ZNF282: variants seen among roughly 807,000 people sequenced by gnomAD.
ZNF282 encodes the protein zinc finger protein 282.
Under a neutral mutation model 61.9 loss-of-function variants are expected in ZNF282, and 30 were observed. The observed-to-expected ratio is 0.48, with a 90% confidence interval of 0.36 to 0.66. The LOEUF is 0.66. ZNF282 is among the 30% of genes least tolerant of loss of function. ZNF282 has a pLI of 0.00. For synonymous variants in ZNF282, 396 were observed against 405.0 expected, an observed-to-expected ratio of 0.98 and a Z score of 0.27; for missense variants, 788 against 941.4, an observed-to-expected ratio of 0.84 and a Z score of 2.13.
At chr7:149,221,727 G>C (rs1312906124) in intron 7 of ZNF282, among the ~76,000 whole-genome samples, 1 of 152,118 alleles carries the variant, frequency 6.6e-6, no homozygotes, top group Non-Finnish European at 1.5e-5. Context: ...ATGGTTCTCT[G>C]CCAGGCCAAT....
chr7:149,202,097 A>AT (rs1376180682), intron 2 of ZNF282, among the ~76,000 whole-genome samples: 1 of 150,590 alleles, frequency 6.6e-6, no homozygotes. Flanking sequence ...CCTTACTCGA[A>AT]TTTTCTACAA....
At position 149,199,313 on chromosome 7, in the gene ZNF282, G is replaced by A. The variant is rs1264623172; in HGVS notation, c.585+561G>A. The stretch of plus-strand genomic sequence containing the variant: ...GAGAACGGAGTCACCCAGAAGAGGC[G>A]TCCACATGCAGCCAGCTTGTTCTTC... On this transcript the variant is annotated intron_variant, in intron 2 of 7. Coordinates refer to ENST00000610704, the MANE Select transcript of ZNF282 (RefSeq NM_003575.4). 3.3e-5 allele frequency among the ~76,000 whole-genome samples: 5 copies of A among 152,194 alleles called. No individual in the cohort carries two copies. In the South Asian group the frequency reaches 8.3e-4, roughly 25 times the overall value.
chr7:149,210,437 T>C, intron 4 of ZNF282, 148 bp from the exon 5 acceptor site: 1 of 1,352,636 alleles, frequency 7.4e-7, no homozygotes, highest in Non-Finnish European at 1.0e-6. Context: ...TGGCAAGTGC[T>C]GTCAGCCATG....
intron 7 of ZNF282, among the ~76,000 whole-genome samples, chr7:149,219,442 C>CT (rs978952603): frequency 6.6e-6 from 1 of 152,172 alleles, no homozygotes; most frequent in Non-Finnish European, 1.5e-5. Context: ...AGAAGAGAAT[C>CT]TCTTGGGGAG....
intron 3 of ZNF282, 144 bp downstream of exon 3, chr7:149,206,966 A>G: frequency 8.3e-7 from 1 of 1,199,290 alleles, no homozygotes; most frequent in Non-Finnish European, 1.2e-6. Context: ...TTATAATGCT[A>G]GTAGGATAGA....
rs771553474 is a variant in ZNF282 at position 149,213,692 on chromosome 7, T to C, written c.1067-9T>C. On this transcript the variant is annotated splice_polypyrimidine_tract_variant and intron_variant, in intron 6 of 7. Coordinates refer to ENST00000610704, the MANE Select transcript of ZNF282 (RefSeq NM_003575.4). The stretch of plus-strand genomic sequence containing the variant: ...AAAATCTAAGACTGCCTTCTTTCCA[T>C]GACAACAGAGTCTCTCATCTCAGCA... The C allele has an allele frequency of 1.5e-5, 24 of 1,608,084 alleles. No homozygotes were observed. In the Admixed American group the frequency reaches 3.2e-4, roughly 21 times the overall value.
chr7:149,206,899 C>G, intron 3 of ZNF282, 77 bp downstream of exon 3: 1 of 1,550,160 alleles, frequency 6.5e-7, no homozygotes, highest in Non-Finnish European at 8.7e-7. Context: ...CACGTTAGCA[C>G]CGCCTAGGCA....
At chr7:149,202,463 C>T (rs906532157) in intron 2 of ZNF282, among the ~76,000 whole-genome samples, 2 of 152,126 alleles carry the variant, frequency 1.3e-5, no homozygotes, top group Non-Finnish European at 2.9e-5. Context: ...AGGCACACAT[C>T]ACCACGCCCG....
intron 1 of ZNF282, among the ~76,000 whole-genome samples, chr7:149,197,058 G>A (rs148859773): frequency 3.9e-5 from 6 of 152,334 alleles, no homozygotes; most frequent in African/African-American, 1.4e-4. Flanking sequence ...GTGGTCCAGT[G>A]AGCCCTGAGT....
chr7:149,213,900 G>A, intron 7 of ZNF282, 86 bp downstream of exon 7: 6 of 905,054 alleles, frequency 6.6e-6, no homozygotes, highest in South Asian at 3.0e-5. Context: ...CCTCTTCTCA[G>A]CTCACCCCTC....
chr7:149,213,701 A>T lies in ZNF282; in HGVS notation c.1067A>T (p.Glu356Val). ...DRDIPTDPNS[E>V]SLISAHDILS... Reference sequence around the variant, plus strand: ...GACTGCCTTCTTTCCATGACAACAGAGTCTCTCATCTCAGCACATGACATT... The same window carrying T: ...GACTGCCTTCTTTCCATGACAACAGTGTCTCTCATCTCAGCACATGACATT... The change falls in exon 7 of 8, where the codon GAG (glutamate) becomes GTG (valine). Residue 356 changes from glutamate (E) to valine (V), a missense_variant and splice_region_variant. By Grantham distance (121) the Glu-to-Val change is moderately radical. Around this residue, in one of 3 missense-constraint regions of ZNF282, gnomAD observed 559 missense variants for 642.0 expected, o/e 0.87. Transcript: ENST00000610704. The T allele has an allele frequency of 6.2e-7, 1 of 1,608,814 alleles. No homozygotes were observed. Among genetic ancestry groups the T allele is most frequent in the Non-Finnish European group, 8.5e-7 (1 of 1,175,664 alleles).
chr7:149,208,125 A>C (rs1796027229), intron 4 of ZNF282, among the ~76,000 whole-genome samples: 1 of 152,180 alleles, frequency 6.6e-6, no homozygotes, highest in Non-Finnish European at 1.5e-5. Flanking sequence ...CTGGTGCTCA[A>C]ACTGTGTTCT....
At chr7:149,196,363 C>T (rs1033917436) in intron 1 of ZNF282, among the ~76,000 whole-genome samples, 1 of 152,210 alleles carries the variant, frequency 6.6e-6, no homozygotes, top group African/African-American at 2.4e-5. Flanking sequence ...GCTTTTAAGA[C>T]TCCTGAGCCC....
At chr7:149,223,631 A>G (rs1444839913) in intron 7 of ZNF282, among the ~76,000 whole-genome samples, 181 bp from the exon 8 acceptor site, 1 of 152,094 alleles carries the variant, frequency 6.6e-6, no homozygotes, top group Non-Finnish European at 1.5e-5. Context: ...TGGGCTCCAC[A>G]GCAGGGTGGC....
intron 7 of ZNF282, among the ~76,000 whole-genome samples, chr7:149,223,296 T>A (rs1210314743): frequency 6.6e-6 from 1 of 151,930 alleles, no homozygotes; most frequent in East Asian, 1.9e-4. Flanking sequence ...TTTTTTTTTT[T>A]AATTAGCTGG....
chr7:149,198,352 A>G lies in ZNF282; in HGVS notation c.185A>G (p.Asp62Gly), dbSNP rs1275105396. 7.5e-6 allele frequency: 12 copies of G among 1,610,724 alleles called. No homozygotes were observed. The highest frequency in any genetic ancestry group is 9.3e-6 in the Non-Finnish European group (11 of 1,177,928). Residue 62 changes from aspartate to glycine, a missense_variant, in exon 2 of 8, where the codon GAC becomes GGC. By Grantham distance (94) the Asp-to-Gly change is moderately conservative. Transcript: ENST00000610704. This position sits in a 1 kb window ranked among gnomAD's most constrained non-coding sequence, Gnocchi z 4.3. ...PPMQAQEWDM[D>G]ARRPMPFQFP... ...ATACAGGCTCAAGAATGGGACATGG[A>G]CGCCCGGCGGCCAATGCCTTTTCAG...
Position 149,213,698 on chromosome 7 carries a change from C to T in ZNF282, c.1067-3C>T, listed in dbSNP as rs772772738. 2 of 1,609,110 alleles carry T rather than the reference C, an allele frequency of 1.2e-6. No individual in the cohort carries two copies. Among genetic ancestry groups the T allele is most frequent in the Non-Finnish European group, 1.7e-6 (2 of 1,175,966 alleles). On this transcript the variant is annotated splice_polypyrimidine_tract_variant and splice_region_variant and intron_variant, in intron 6 of 7. Coordinates refer to ENST00000610704, the MANE Select transcript of ZNF282 (RefSeq NM_003575.4). ...TAAGACTGCCTTCTTTCCATGACAACAGAGTCTCTCATCTCAGCACATGAC... is the reference window on the plus strand; with the variant it reads ...TAAGACTGCCTTCTTTCCATGACAATAGAGTCTCTCATCTCAGCACATGAC...
At chr7:149,200,559 A>G (rs1300452004) in intron 2 of ZNF282, among the ~76,000 whole-genome samples, 1 of 151,964 alleles carries the variant, frequency 6.6e-6, no homozygotes, top group Non-Finnish European at 1.5e-5. Context: ...CTCCTCCCTC[A>G]TGACTGCATC....
chr7:149,208,677 C>T, intron 4 of ZNF282, among the ~76,000 whole-genome samples: 1 of 152,036 alleles, frequency 6.6e-6, no homozygotes, highest in East Asian at 1.9e-4. Context: ...CTCACAAAGT[C>T]ATGCAACCAA....
Sources: gnomAD v4.1 joint callset for allele counts (sites outside exome capture counted in the v4.1 genomes callset) on GRCh38, gnomAD v4.1.1 for gene constraint, gnomAD v4.1.1 regional missense constraint, Gnocchi (gnomAD v3.1) non-coding constraint, MANE v1.5 for transcripts, NCBI Gene and HGNC (gene_info 2026-07-23, HGNC 2026-07-21) for gene names.